Variants in AXL observed in about 807,000 individuals in gnomAD.
AXL encodes tyrosine-protein kinase receptor UFO.
Under a neutral mutation model 104.5 loss-of-function variants are expected in AXL, and 52 were observed. The observed-to-expected ratio is 0.50, with a 90% CI of 0.40 to 0.63. The LOEUF is 0.63. AXL is among the 20% of genes least tolerant of loss of function. The pLI, the probability that AXL is intolerant of heterozygous loss-of-function variation, is 0.00. For missense variants in AXL, 1,024 were observed against 1,188.5 expected, an observed-to-expected ratio of 0.86 and a Z score of 2.04; for synonymous variants, 455 against 473.7, an observed-to-expected ratio of 0.96 and a Z score of 0.51.
At chr19:41,252,555 G>A (rs1446446967) in intron 15 of AXL, 112 bp downstream of exon 15, 21 of 1,251,682 alleles carry the variant, frequency 1.7e-5, no homozygotes, top group South Asian at 1.6e-4. Flanking sequence ...CCTGCTCCCC[G>A]CTCCTTCAGG....
chr19:41,239,773 G>A, intron 10 of AXL, 53 bp downstream of exon 10: 1 of 1,601,864 alleles, frequency 6.2e-7, no homozygotes, highest in African/African-American at 1.3e-5. Context: ...CACCTAGTGG[G>A]GGCACTGTCA....
chr19:41,256,719 T>G, intron 18 of AXL, 108 bp downstream of exon 18: 1 of 1,456,298 alleles, frequency 6.9e-7, no homozygotes, highest in Non-Finnish European at 9.4e-7. Flanking sequence ...ACATGTGGGC[T>G]TCCCTTTGCA....
Position 41,260,271 on chromosome 19 carries a change from A to G in AXL, c.*367A>G, listed in dbSNP as rs1198827661. ...CTGAAATTCCAAAGTCTCTAATTCTATTAAAGTGCTAAGGTTCTAAGGCCT... is the reference window on the plus strand; with the variant it reads ...CTGAAATTCCAAAGTCTCTAATTCTGTTAAAGTGCTAAGGTTCTAAGGCCT... On this transcript the variant is annotated 3_prime_UTR_variant, in exon 20 of 20. Coordinates refer to ENST00000301178, the MANE Select transcript of AXL (RefSeq NM_021913.5). 6.2e-5 allele frequency: 10 copies of G among 160,642 alleles called. No individual in the cohort carries two copies. The highest frequency in any genetic ancestry group is 4.7e-5 in the Non-Finnish European group (4 of 84,504). 10.0% of individuals were successfully genotyped at this position (160,642 alleles called of 1,614,324 possible). A position where few individuals can be genotyped will look rare whatever the true frequency, so the allele number is the denominator to read the frequency against.
intron 4 of AXL, among the ~76,000 whole-genome samples, chr19:41,225,789 C>T (rs1033848936): frequency 4.6e-5 from 7 of 152,136 alleles, no homozygotes; most frequent in African/African-American, 1.7e-4. Context: ...GCTGCGTCTT[C>T]TGTGCTAATA....
rs1448120558 is a variant in AXL at position 41,260,025 on chromosome 19, C to T, written c.*121C>T. ...CCCCACTTGCAGCCCTGTCTTCCTA[C>T]CTATCCCACCTCCATCCCAGACAGG... On this transcript the variant is annotated 3_prime_UTR_variant, in exon 20 of 20. Coordinates refer to ENST00000301178, the MANE Select transcript of AXL (RefSeq NM_021913.5). 1.1e-6 allele frequency: 1 copy of T among 874,966 alleles called. No individual in the cohort carries two copies. The highest frequency in any genetic ancestry group is 1.7e-6 in the Non-Finnish European group (1 of 587,206). 54.2% of individuals were successfully genotyped at this position (874,966 alleles called of 1,614,324 possible). A position where few individuals can be genotyped will look rare whatever the true frequency, so the allele number is the denominator to read the frequency against.
At chr19:41,250,351 A>G (rs991613161) in intron 14 of AXL, among the ~76,000 whole-genome samples, 1 of 152,220 alleles carries the variant, frequency 6.6e-6, no homozygotes, top group Non-Finnish European at 1.5e-5. Context: ...TCTGAATTAC[A>G]GGGCTTAAAA....
chr19:41,248,433 G>C (rs1159502236), intron 12 of AXL, 81 bp from the exon 13 acceptor site: 2 of 1,331,484 alleles, frequency 1.5e-6, no homozygotes, highest in Non-Finnish European at 2.2e-6. Context: ...TTCAACAATG[G>C]ATCTATCCCT....
At chr19:41,226,107 G>C (rs568199554) in intron 4 of AXL, among the ~76,000 whole-genome samples, 25 of 152,346 alleles carry the variant, frequency 1.6e-4, no homozygotes, top group African/African-American at 6.0e-4. Context: ...AGGTGCGGCC[G>C]TTGGGGCCTG....
intron 10 of AXL, among the ~76,000 whole-genome samples, chr19:41,239,947 T>C (rs1027595453): frequency 1.3e-5 from 2 of 151,746 alleles, no homozygotes; most frequent in Admixed American, 1.3e-4. Flanking sequence ...GATGAACAAA[T>C]AGATGGATGG....
chr19:41,238,836 C>G (rs2034130278), intron 8 of AXL, among the ~76,000 whole-genome samples: 1 of 152,036 alleles, frequency 6.6e-6, no homozygotes, highest in African/African-American at 2.4e-5. Flanking sequence ...TTTCAGCAGA[C>G]TCATATTTAC....
At chr19:41,221,294 C>T (rs945976266) in intron 3 of AXL, 48 bp downstream of exon 3, 2 of 1,547,812 alleles carry the variant, frequency 1.3e-6, no homozygotes, top group Non-Finnish European at 8.8e-7. Flanking sequence ...ACATGTGGCG[C>T]TCATAGGTTG....
At chr19:41,233,482 T>A (rs1008335033) in intron 6 of AXL, among the ~76,000 whole-genome samples, 10 of 151,370 alleles carry the variant, frequency 6.6e-5, no homozygotes, top group Non-Finnish European at 1.2e-4. Context: ...TTCAAAAAAA[T>A]TAGCTCAGTG....
chr19:41,223,407 G>A (rs540585122), intron 4 of AXL, among the ~76,000 whole-genome samples: 1 of 152,316 alleles, frequency 6.6e-6, no homozygotes, highest in East Asian at 1.9e-4. Context: ...GAAGGACCGA[G>A]CTCAGGGTTA....
At chr19:41,229,847 G>C (rs1453454046) in intron 4 of AXL, among the ~76,000 whole-genome samples, 2 of 152,120 alleles carry the variant, frequency 1.3e-5, no homozygotes, top group African/African-American at 4.8e-5. Flanking sequence ...TTGATGTACA[G>C]CCATGGGCCA....
At chr19:41,220,503 T>G in intron 1 of AXL, 133 bp from the exon 2 acceptor site, 1 of 719,466 alleles carries the variant, frequency 1.4e-6, no homozygotes, top group South Asian at 1.9e-5. Context: ...CACTCTGAGG[T>G]CACTCTGCAA....
intron 17 of AXL, among the ~76,000 whole-genome samples, chr19:41,256,080 G>GGTGTGTGTGTGTGT (rs71177704): frequency 3.1e-4 from 46 of 150,508 alleles, no homozygotes; most frequent in Admixed American, 7.3e-4. Flanking sequence ...TGGTTACATG[G>GGTGTGTGTGTGTGT]GTGTGTGTGT....
intron 10 of AXL, among the ~76,000 whole-genome samples, chr19:41,242,655 C>T (rs2034203709): frequency 6.6e-6 from 1 of 152,114 alleles, no homozygotes; most frequent in Non-Finnish European, 1.5e-5. Context: ...ACTCACCCAT[C>T]CTACAACTTT....
At position 41,240,952 on chromosome 19, in the gene AXL, A is replaced by G. The variant is rs181254267; in HGVS notation, c.1312+1232A>G. Among the ~76,000 whole-genome samples the G allele has an allele frequency of 1.5e-4, 23 of 152,134 alleles. No individual in the cohort carries two copies. The East Asian group carries it at 4.4e-3, about 29-fold the overall frequency. On this transcript the variant is annotated intron_variant, in intron 10 of 19. Transcript: ENST00000301178. The stretch of plus-strand genomic sequence containing the variant: ...CTCACCCTGAACCCCTTGCATACTC[A>G]GCACATAATGATCTTTATTTCTTAC...
At chr19:41,222,530 C>T (rs73043264) in intron 4 of AXL, among the ~76,000 whole-genome samples, 4,831 of 152,292 alleles carry the variant, frequency 0.032, 114 homozygotes, top group Admixed American at 0.047. Context: ...CCTAACAAGC[C>T]TGCTGGCCTC....
Sources: allele counts gnomAD v4.1 joint callset (sites outside exome capture counted in the v4.1 genomes callset), GRCh38; gene constraint gnomAD v4.1.1; transcripts MANE v1.5; gene names NCBI Gene and HGNC (gene_info 2026-07-23, HGNC 2026-07-21).